The following TMEM9 variants were observed in gnomAD, a reference collection of about 807,000 sequenced individuals.
The protein encoded by TMEM9 is transmembrane protein 9.
In TMEM9, 13 loss-of-function variants were observed where a neutral mutation model predicts 22.8. That is an observed-to-expected ratio of 0.57 (90% CI 0.37 to 0.91). The LOEUF is 0.91. Among genes scored for constraint, TMEM9 ranks in the 40% least tolerant of loss-of-function variants. The probability of loss-of-function intolerance (pLI) is 0.01; values close to 1 mark genes in which losing one functional copy is unlikely to be tolerated. For synonymous variants in TMEM9, 88 were observed against 93.0 expected (o/e 0.95, Z 0.31); for missense variants, 182 against 238.1 (o/e 0.76, Z 1.55).
chr1:201,148,210 C>T (rs1665143370), intron 2 of TMEM9, among the ~76,000 whole-genome samples: 1 of 152,088 alleles, frequency 6.6e-6, no homozygotes, highest in South Asian at 2.1e-4. Context: ...GGCAAAGTGG[C>T]ATCTCCATAG....
upstream of TMEM9, among the ~76,000 whole-genome samples, chr1:201,155,335 T>TGGGGGG (rs1665754049): frequency 1.7e-4 from 1 of 5,940 alleles, no homozygotes; most frequent in Non-Finnish European, 3.2e-4. Flanking sequence ...TCCTTAGGGG[T>TGGGGGG]GGGTGGGAGG....
chr1:201,168,339 T>A (rs1221624158), intron 1 of TMEM9, among the ~76,000 whole-genome samples: 1 of 152,206 alleles, frequency 6.6e-6, no homozygotes, highest in African/African-American at 2.4e-5. Flanking sequence ...ATGAATCTTG[T>A]ATGAATATAC....
rs200271039 is a variant in TMEM9, at chr1:201,135,808, C to T, written c.407G>A (p.Arg136His). 47 of 1,605,812 alleles carry T rather than the reference C, an allele frequency of 2.9e-5. No individual in the cohort carries two copies. In the East Asian group the frequency reaches 5.2e-4, roughly 18 times the overall value. The part of the protein sequence containing the change: ...LHNEEENEDA[R>H]SMAAAAASLG... ...GGATGCAGCAGCTGCTGCCATAGAG[C>T]GAGCATCCTGTAGTGGGAAGAAAAA... The change falls in exon 5 of 5, where the codon CGC becomes CAC. Residue 136 changes from arginine to histidine, a missense_variant. Transcript: ENST00000367330.
At chr1:201,166,190 T>C (rs1454765476) in intron 1 of TMEM9, among the ~76,000 whole-genome samples, 1 of 152,150 alleles carries the variant, frequency 6.6e-6, no homozygotes, top group Non-Finnish European at 1.5e-5. Flanking sequence ...AATGTGTTTT[T>C]CTACTTTCTC....
At chr1:201,161,959 C>A (rs1665955106) in intron 1 of TMEM9, among the ~76,000 whole-genome samples, 1 of 152,094 alleles carries the variant, frequency 6.6e-6, no homozygotes, top group African/African-American at 2.4e-5. Context: ...AGATAAGGGG[C>A]ATTTTTGCTG....
At chr1:201,156,852 A>G (rs946916898), upstream of TMEM9, among the ~76,000 whole-genome samples, 6 of 152,210 alleles carry the variant, frequency 3.9e-5, no homozygotes, top group African/African-American at 1.4e-4. Context: ...TACCCCAGGG[A>G]TACAACAGAC....
intron 3 of TMEM9, chr1:201,145,394 G>A (rs1190116781): frequency 6.6e-6 from 1 of 152,670 alleles, no homozygotes. Context: ...TCAGGTGGAT[G>A]AAAGGAGTTG....
At chr1:201,170,870 T>G (rs557465712) in intron 1 of TMEM9, among the ~76,000 whole-genome samples, 24 of 151,898 alleles carry the variant, frequency 1.6e-4, no homozygotes, top group Admixed American at 5.2e-4. Flanking sequence ...CCGTCCAGTC[T>G]CCACCCCGGG....
chr1:201,149,727 C>A (rs1454617858), intron 2 of TMEM9, among the ~76,000 whole-genome samples: 2 of 152,182 alleles, frequency 1.3e-5, no homozygotes, highest in East Asian at 3.8e-4. Flanking sequence ...ACCAACGTGA[C>A]AGCAAAGTGA....
intron 4 of TMEM9, among the ~76,000 whole-genome samples, chr1:201,139,011 C>T (rs1252896664): frequency 6.6e-6 from 1 of 152,184 alleles, no homozygotes; most frequent in Non-Finnish European, 1.5e-5. Context: ...CAAGCGAGGC[C>T]CTCTTCTCCA....
At chr1:201,151,723 T>C (rs1254616940) in intron 2 of TMEM9, 38 bp downstream of exon 2, 4 of 1,514,242 alleles carry the variant, frequency 2.6e-6, no homozygotes, top group Non-Finnish European at 3.7e-6. Context: ...TAACTTCAAC[T>C]GGGTATAGCA....
At chr1:201,156,682 T>C (rs1665806728), upstream of TMEM9, among the ~76,000 whole-genome samples, 1 of 152,214 alleles carries the variant, frequency 6.6e-6, no homozygotes, top group East Asian at 1.9e-4. Flanking sequence ...CAAATAGTCC[T>C]ACCTGACCCA....
chr1:201,155,660 G>A (rs1210325481), upstream of TMEM9, among the ~76,000 whole-genome samples: 2 of 152,224 alleles, frequency 1.3e-5, no homozygotes, highest in Non-Finnish European at 2.9e-5. Context: ...GGGCTTTGGA[G>A]CTAGAGTGAC....
chr1:201,162,814 C>T (rs1313959549), intron 1 of TMEM9, among the ~76,000 whole-genome samples: 1 of 151,826 alleles, frequency 6.6e-6, no homozygotes, highest in African/African-American at 2.4e-5. Context: ...TTGCACATGA[C>T]ATATCTAATG....
Position 201,153,975 on chromosome 1 carries a change from C to T in TMEM9, c.-52G>A, listed in dbSNP as rs760713720. 1.9e-6 allele frequency: 3 copies of T among 1,566,446 alleles called. No individual in the cohort carries two copies. Among genetic ancestry groups the T allele is most frequent in the South Asian group, 2.4e-5 (2 of 83,030 alleles). On this transcript the variant is annotated 5_prime_UTR_variant, in exon 1 of 5. Transcript: ENST00000367330. ...AGCCGGACACCTGGAAAAAGAGATA[C>T]GGAGTCGGAGAAGGGGAAGGTGGCC...
intron 3 of TMEM9, chr1:201,145,448 CT>C: frequency 6.6e-6 from 1 of 152,442 alleles, no homozygotes; most frequent in Non-Finnish European, 1.5e-5. Flanking sequence ...CAGACAGCTG[CT>C]TTTTCCCTGA....
rs1471489920 is a variant in TMEM9, at chr1:201,135,702, C to T, written c.513G>A (p.Gln171=). Residue 171 remains glutamine, a synonymous_variant, in exon 5 of 5, where the codon CAG becomes CAA. Coordinates refer to ENST00000367330, the MANE Select transcript of TMEM9 (RefSeq NM_001288565.2). ...QQRWKLQVQE[Q]RKTVFDRHKM... is the part of the protein sequence containing the mutation. The stretch of plus-strand genomic sequence containing the variant: ...TGTGCCGATCGAAGACTGTCTTCCG[C>T]TGCTCCTGCACCTGCAGCTTCCACC... The T allele has an allele frequency of 6.2e-7, 1 of 1,613,772 alleles. No individual in the cohort carries two copies. The highest frequency in any genetic ancestry group is 8.5e-7 in the Non-Finnish European group (1 of 1,179,830).
intron 1 of TMEM9, 24 bp downstream of exon 1, chr1:201,153,834 G>A (rs1424444639): frequency 1.2e-6 from 2 of 1,613,938 alleles, no homozygotes; most frequent in East Asian, 2.2e-5. Flanking sequence ...TCGTGACCAG[G>A]TGCTGCAGGC....
chr1:201,170,128 G>A (rs938578220), intron 1 of TMEM9, among the ~76,000 whole-genome samples: 8 of 152,162 alleles, frequency 5.3e-5, no homozygotes, highest in Non-Finnish European at 1.0e-4. Context: ...TCCTCCCCTG[G>A]CATGCCATGG....
Sources: allele counts gnomAD v4.1 joint callset (sites outside exome capture counted in the v4.1 genomes callset), GRCh38; gene constraint gnomAD v4.1.1; transcripts MANE v1.5; gene names NCBI Gene and HGNC (gene_info 2026-07-23, HGNC 2026-07-21).